The following SGSM1 variants were observed in gnomAD, a reference collection of about 807,000 sequenced individuals.
The protein encoded by SGSM1 is RUN and TBC1 domain containing 2.
SGSM1 carries 73 observed loss-of-function variants against 133.8 expected under a neutral mutation model. The ratio of observed to expected loss-of-function variants is 0.55; its 90% CI spans 0.45 to 0.66. The LOEUF is 0.66. Ranked by LOEUF, SGSM1 falls within the 30% of genes least tolerant of loss-of-function variation. SGSM1 has a pLI of 0.00. For synonymous variants in SGSM1, 563 were observed against 573.0 expected, an observed-to-expected ratio of 0.98 and a Z score of 0.25; for missense variants, 1,213 against 1,448.1, an observed-to-expected ratio of 0.84 and a Z score of 2.64.
intron 9 of SGSM1, among the ~76,000 whole-genome samples, chr22:24,862,699 T>G (rs529546467): frequency 6.6e-6 from 1 of 152,296 alleles, no homozygotes; most frequent in South Asian, 2.1e-4. Context: ...ATCTTTACCT[T>G]CTCAGAGCTT....
intron 5 of SGSM1, among the ~76,000 whole-genome samples, chr22:24,853,968 A>G (rs1030021983): frequency 5.3e-5 from 8 of 149,586 alleles, no homozygotes; most frequent in Non-Finnish European, 8.9e-5. Context: ...GAAGATGCAA[A>G]AGCAGAAACC....
chr22:24,860,602 C>G (rs966299989), intron 9 of SGSM1, among the ~76,000 whole-genome samples: 1 of 151,932 alleles, frequency 6.6e-6, no homozygotes, highest in Non-Finnish European at 1.5e-5. Flanking sequence ...ATCCCCTTCT[C>G]CCCAATAATA....
chr22:24,829,565 TCTTA>T lies in SGSM1; in HGVS notation c.64-15327_64-15324del, dbSNP rs1005643841. Among the ~76,000 whole-genome samples, 6 of 152,208 alleles carry T rather than the reference TCTTA, an allele frequency of 3.9e-5. No individual in the cohort carries two copies. In the East Asian group the frequency reaches 5.8e-4, roughly 15 times the overall value. Reference sequence around the variant, plus strand: ...AAAGCACATGTTCAAGTAAATATTCTCTTACTTAATCATTCGGTTCAAAACAGCC... The same window carrying T: ...AAAGCACATGTTCAAGTAAATATTCTCTTAATCATTCGGTTCAAAACAGCC... On this transcript the variant is annotated intron_variant, in intron 2 of 24. Coordinates refer to ENST00000400358, the MANE Select transcript of SGSM1 (RefSeq NM_001098497.3).
At chr22:24,861,491 GTCTC>G (rs951073837) in intron 9 of SGSM1, among the ~76,000 whole-genome samples, 6 of 151,378 alleles carry the variant, frequency 4.0e-5, no homozygotes, top group Admixed American at 1.3e-4. Flanking sequence ...AGACCCTGTA[GTCTC>G]TCTCTCTCTC....
At position 24,893,044 on chromosome 22, in the gene SGSM1, A is replaced by G. The variant is rs1476532602; in HGVS notation, c.1771-387A>G. ...CACTCCAGCCTGGTGACAGAGCCAT[A>G]CTCTGTCAAGAAAGAAAGGAAGGAA... On this transcript the variant is annotated intron_variant, in intron 16 of 24. Coordinates refer to ENST00000400358, the MANE Select transcript of SGSM1 (RefSeq NM_001098497.3). 2.0e-5 allele frequency among the ~76,000 whole-genome samples: 3 copies of G among 147,468 alleles called. No individual in the cohort carries two copies. In the East Asian group the frequency reaches 6.4e-4, roughly 32 times the overall value.
At chr22:24,837,324 A>G (rs1421134432) in intron 2 of SGSM1, among the ~76,000 whole-genome samples, 4 of 152,226 alleles carry the variant, frequency 2.6e-5, no homozygotes, top group Non-Finnish European at 4.4e-5. Context: ...ACAGAGAGAA[A>G]GACAGCTTAT....
At chr22:24,854,512 A>G (rs1930657994) in intron 5 of SGSM1, among the ~76,000 whole-genome samples, 1 of 152,200 alleles carries the variant, frequency 6.6e-6, no homozygotes, top group South Asian at 2.1e-4. Context: ...TGGTTCTCTC[A>G]AAAGTCCTTC....
At chr22:24,845,558 A>C (rs1309747904) in intron 3 of SGSM1, among the ~76,000 whole-genome samples, 1 of 152,204 alleles carries the variant, frequency 6.6e-6, no homozygotes, top group African/African-American at 2.4e-5. Flanking sequence ...TGTACATAGA[A>C]GTGGGAGTCT....
intron 10 of SGSM1, among the ~76,000 whole-genome samples, chr22:24,867,471 G>A (rs1023268318): frequency 6.6e-6 from 1 of 152,220 alleles, no homozygotes; most frequent in Non-Finnish European, 1.5e-5. Context: ...AATGTGCTAA[G>A]CACAGTTCTG....
At chr22:24,843,024 T>C (rs942720420) in intron 2 of SGSM1, among the ~76,000 whole-genome samples, 1 of 151,402 alleles carries the variant, frequency 6.6e-6, no homozygotes, top group Non-Finnish European at 1.5e-5. Flanking sequence ...GCAGGAGCCA[T>C]GATGGGAGAA....
chr22:24,879,037 G>T (rs770903920), intron 13 of SGSM1, among the ~76,000 whole-genome samples: 1 of 152,188 alleles, frequency 6.6e-6, no homozygotes, highest in Non-Finnish European at 1.5e-5. Context: ...CAGTGGCAAA[G>T]ATGGCTCCCA....
chr22:24,861,872 GT>G (rs1931174214), intron 9 of SGSM1, among the ~76,000 whole-genome samples: 1 of 150,264 alleles, frequency 6.7e-6, no homozygotes, highest in Non-Finnish European at 1.5e-5. Flanking sequence ...TTCTCGTTTT[GT>G]CACCCAGGCT....
At chr22:24,839,490 C>T (rs984590786) in intron 2 of SGSM1, among the ~76,000 whole-genome samples, 1 of 152,084 alleles carries the variant, frequency 6.6e-6, no homozygotes, top group Admixed American at 6.5e-5. Flanking sequence ...TCAAGGTAGC[C>T]CTGACCTTAT....
chr22:24,855,333 T>G lies in SGSM1; in HGVS notation c.572T>G (p.Phe191Cys). 1 of 1,613,054 alleles carries G rather than the reference T, an allele frequency of 6.2e-7. No individual in the cohort carries two copies. The highest frequency in any genetic ancestry group is 8.5e-7 in the Non-Finnish European group (1 of 1,179,542). ...ACCAAGATGAAGACTGCAGATCACT[T>G]CTGGACCGATCCCTCGGCTGACGAA... ...EYTKMKTADH[F>C]WTDPSADELV... Residue 191 changes from phenylalanine (F) to cysteine (C), a missense_variant, in exon 7 of 25, where the codon TTC becomes TGC. Transcript: ENST00000400358.
chr22:24,900,155 G>C (rs934394157), intron 19 of SGSM1, among the ~76,000 whole-genome samples: 2 of 151,478 alleles, frequency 1.3e-5, no homozygotes, highest in African/African-American at 4.9e-5. Flanking sequence ...CAAGTAGCTG[G>C]GACTACAGGG....
chr22:24,828,015 G>T (rs1196492775), intron 2 of SGSM1, among the ~76,000 whole-genome samples: 1 of 152,060 alleles, frequency 6.6e-6, no homozygotes, highest in East Asian at 1.9e-4. Flanking sequence ...GACCTTTGTG[G>T]ACCCCTATCT....
At chr22:24,806,558 G>C (rs1311026551) in intron 2 of SGSM1, 74 bp downstream of exon 2, 1 of 1,459,400 alleles carries the variant, frequency 6.9e-7, no homozygotes, top group East Asian at 3.0e-5. Context: ...AGTCTTCGTG[G>C]AAGGGTGGCC....
At chr22:24,816,504 CT>C (rs34190801) in intron 2 of SGSM1, among the ~76,000 whole-genome samples, 41,736 of 149,386 alleles carry the variant, frequency 0.28, 6,473 homozygotes, top group East Asian at 0.58. Flanking sequence ...CAACCTCTGC[CT>C]CCTGGGTTCA....
At position 24,861,255 on chromosome 22, in the gene SGSM1, A is replaced by C. The variant is rs576103748; in HGVS notation, c.926+1415A>C. Among the ~76,000 whole-genome samples the C allele has an allele frequency of 2.0e-3, 290 of 148,182 alleles. 1 individual carries two copies. The highest frequency in any genetic ancestry group is 6.6e-3 in the African/African-American group (268 of 40,388). On this transcript the variant is annotated intron_variant, in intron 9 of 24. Coordinates refer to ENST00000400358, the MANE Select transcript of SGSM1 (RefSeq NM_001098497.3). ...GTAATCCCAGCTACTCAGGAGGCTG[A>C]GGCAGAGAATTGCCTGAACCTGGGA...
Sources: gnomAD v4.1 joint callset for allele counts (sites outside exome capture counted in the v4.1 genomes callset) on GRCh38, gnomAD v4.1.1 for gene constraint, MANE v1.5 for transcripts, NCBI Gene and HGNC (gene_info 2026-07-23, HGNC 2026-07-21) for gene names.